GAP43: variants seen among roughly 807,000 people sequenced by gnomAD.
GAP43 encodes neuromodulin.
Under a neutral mutation model 18.6 loss-of-function variants are expected in GAP43, and 6 were observed. The ratio of observed to expected loss-of-function variants is 0.32; its 90% CI spans 0.18 to 0.64. GAP43 has a LOEUF of 0.64. Among genes scored for constraint, GAP43 ranks in the 30% least tolerant of loss-of-function variants. The pLI is 0.78. For synonymous variants in GAP43, 115 were observed against 111.4 expected (o/e 1.03, Z -0.20); for missense variants, 292 against 295.5 (o/e 0.99, Z 0.09).
At chr3:115,683,145 G>GCACA (rs1391349178) in intron 2 of GAP43, among the ~76,000 whole-genome samples, 537 of 105,520 alleles carry the variant, frequency 5.1e-3, no homozygotes, top group East Asian at 0.015. Flanking sequence ...GCGCGCGCGC[G>GCACA]CGCACACACA....
chr3:115,695,712 A>T (rs1051807725), intron 2 of GAP43, among the ~76,000 whole-genome samples: 1 of 152,052 alleles, frequency 6.6e-6, no homozygotes, highest in African/African-American at 2.4e-5. Context: ...AATCCACAAC[A>T]ATCACATCTA....
At position 115,644,722 on chromosome 3, in the gene GAP43, C is replaced by T. The variant is rs7630787; in HGVS notation, c.30+21003C>T. On this transcript the variant is annotated intron_variant, in intron 1 of 2. Coordinates refer to ENST00000305124, the MANE Select transcript of GAP43 (RefSeq NM_002045.4). The surrounding 1 kb of genome is among the most constrained non-coding windows in gnomAD (Gnocchi z 4.2). ...ATTTTTAAAAATGAATCTCTGAAAA[C>T]ATTCCAGAAGAAAATTTGATTTGTG... 0.21 allele frequency among the ~76,000 whole-genome samples: 32,433 copies of T among 151,952 alleles called. 3,891 individuals carry two copies. Among genetic ancestry groups the T allele is most frequent in the Middle Eastern group, 0.31 (92 of 294 alleles).
intron 2 of GAP43, among the ~76,000 whole-genome samples, chr3:115,701,786 A>T (rs549312462): frequency 6.6e-6 from 1 of 151,990 alleles, no homozygotes; most frequent in East Asian, 1.9e-4. Context: ...CAGACATTCC[A>T]CCCCGCCAAC....
chr3:115,676,718 G>A, intron 2 of GAP43, 108 bp downstream of exon 2: 7 of 1,184,374 alleles, frequency 5.9e-6, no homozygotes, highest in South Asian at 1.7e-5. Context: ...TCTAGAAGAT[G>A]TTTTCCAGAA....
intron 1 of GAP43, among the ~76,000 whole-genome samples, chr3:115,657,328 G>C (rs1708596085): frequency 6.6e-6 from 1 of 152,184 alleles, no homozygotes; most frequent in Non-Finnish European, 1.5e-5. Flanking sequence ...GACGAAGAAA[G>C]GAACACTGGG....
intron 1 of GAP43, among the ~76,000 whole-genome samples, chr3:115,642,552 T>C (rs565930282): frequency 1.3e-5 from 2 of 152,158 alleles, no homozygotes; most frequent in African/African-American, 4.8e-5. Context: ...ATTTTCCTAA[T>C]TGTTCAAGAA....
At chr3:115,703,525 A>G (rs143521223) in intron 2 of GAP43, among the ~76,000 whole-genome samples, 78 of 152,206 alleles carry the variant, frequency 5.1e-4, no homozygotes, top group Non-Finnish European at 8.4e-4. Context: ...GGATTCCTGC[A>G]TTAGGTGGGG....
intron 1 of GAP43, among the ~76,000 whole-genome samples, chr3:115,666,492 A>C (rs1401324873): frequency 6.6e-6 from 1 of 152,190 alleles, no homozygotes; most frequent in Non-Finnish European, 1.5e-5. Context: ...CTCTGAGAGA[A>C]TAATGGTGAT....
intron 1 of GAP43, among the ~76,000 whole-genome samples, chr3:115,642,047 C>T (rs541342131): frequency 8.6e-5 from 13 of 151,998 alleles, no homozygotes; most frequent in African/African-American, 1.9e-4. Flanking sequence ...CCATTCAACT[C>T]GAAAGGGCTA....
intron 2 of GAP43, among the ~76,000 whole-genome samples, chr3:115,713,664 ACT>A (rs1405899893): frequency 6.6e-6 from 1 of 152,200 alleles, no homozygotes; most frequent in African/African-American, 2.4e-5. Flanking sequence ...CTGCTTCCAA[ACT>A]CTATTTTAGC....
intron 2 of GAP43, among the ~76,000 whole-genome samples, chr3:115,688,698 A>G (rs866268446): frequency 6.6e-6 from 1 of 152,214 alleles, no homozygotes; most frequent in Non-Finnish European, 1.5e-5. Context: ...ATGCCTCTTC[A>G]GTGATTAACA....
intron 2 of GAP43, among the ~76,000 whole-genome samples, chr3:115,684,971 C>T (rs2067703): frequency 0.16 from 24,071 of 152,144 alleles, 2,197 homozygotes; most frequent in East Asian, 0.34. Flanking sequence ...CATAATTCTG[C>T]AGCAGCTTTT....
At chr3:115,703,259 T>C (rs548437141) in intron 2 of GAP43, among the ~76,000 whole-genome samples, 25 of 152,232 alleles carry the variant, frequency 1.6e-4, no homozygotes, top group Admixed American at 1.2e-3. Context: ...GTTTATTTTT[T>C]AGTGAAGTTT....
At chr3:115,687,338 A>G (rs994399665) in intron 2 of GAP43, among the ~76,000 whole-genome samples, 1 of 152,154 alleles carries the variant, frequency 6.6e-6, no homozygotes, top group Non-Finnish European at 1.5e-5. Flanking sequence ...GATTTTGTGT[A>G]TTACTTATAA....
chr3:115,686,072 T>G (rs1409012114), intron 2 of GAP43, among the ~76,000 whole-genome samples: 4 of 152,236 alleles, frequency 2.6e-5, no homozygotes, highest in African/African-American at 9.6e-5. Context: ...CTAGCTGATT[T>G]CAGGCTACCA....
intron 1 of GAP43, among the ~76,000 whole-genome samples, chr3:115,651,882 C>T (rs1411137757): frequency 1.3e-5 from 2 of 152,162 alleles, no homozygotes; most frequent in African/African-American, 4.8e-5. Context: ...CCTGTTCTGG[C>T]CCTCTTCAAT....
Position 115,686,871 on chromosome 3 carries a change from T to C in GAP43, c.628+10261T>C, listed in dbSNP as rs3821557. On this transcript the variant is annotated intron_variant, in intron 2 of 2. Coordinates refer to ENST00000305124, the MANE Select transcript of GAP43 (RefSeq NM_002045.4). ...AAGAGTTGACTATTTCCTTCCCTCA[T>C]ACTAATTTTTAGTGAGAAAGATGCT... Among the ~76,000 whole-genome samples, 102 of 152,312 alleles carry C rather than the reference T, an allele frequency of 6.7e-4. No homozygotes were observed. The East Asian group carries it at 0.018, about 27-fold the overall frequency.
chr3:115,627,342 A>T (rs1220733089), intron 1 of GAP43, among the ~76,000 whole-genome samples: 4 of 151,434 alleles, frequency 2.6e-5, no homozygotes, highest in Non-Finnish European at 5.9e-5. Flanking sequence ...TGCTGAGGCA[A>T]CTGGAATAAG....
intron 2 of GAP43, among the ~76,000 whole-genome samples, chr3:115,718,444 A>C (rs1709538233): frequency 1.3e-5 from 2 of 152,142 alleles, no homozygotes; most frequent in Non-Finnish European, 2.9e-5. Flanking sequence ...AGCACACCAA[A>C]ATTTTTGTAA....
Sources: allele counts gnomAD v4.1 joint callset (sites outside exome capture counted in the v4.1 genomes callset), GRCh38; gene constraint gnomAD v4.1.1; non-coding constraint Gnocchi (gnomAD v3.1); transcripts MANE v1.5; gene names NCBI Gene and HGNC (gene_info 2026-07-23, HGNC 2026-07-21).